LRBA: variants seen among roughly 807,000 people sequenced by gnomAD.
LRBA encodes LPS responsive beige-like anchor protein.
Under a neutral mutation model 330.0 loss-of-function variants are expected in LRBA, and 176 were observed. The ratio of observed to expected loss-of-function variants is 0.53; its 90% CI spans 0.47 to 0.60. LRBA has a LOEUF of 0.60. LRBA is among the 20% of genes least tolerant of loss of function. The pLI is 0.00. For synonymous variants in LRBA, 1,230 were observed against 1,193.0 expected, an observed-to-expected ratio of 1.03 and a Z score of -0.64; for missense variants, 3,259 against 3,444.8, an observed-to-expected ratio of 0.95 and a Z score of 1.35.
rs115961084 is a variant in LRBA, at chr4:150,949,121, T to A, written c.217-20056A>T. 4.1e-3 allele frequency among the ~76,000 whole-genome samples: 623 copies of A among 152,150 alleles called. 6 individuals are homozygous for A. Among genetic ancestry groups the A allele is most frequent in the African/African-American group, 0.014 (596 of 41,542 alleles). ...TTTCCCAAATAAATAAAAACTTATG[T>A]TCACACAAAAACCTGTATATAAATA... is the stretch of plus-strand genomic sequence containing the variant. On this transcript the variant is annotated intron_variant, in intron 2 of 56. Coordinates refer to ENST00000651943, the MANE Select transcript of LRBA (RefSeq NM_001364905.1).
At chr4:150,965,453 T>G (rs1042232216) in intron 2 of LRBA, among the ~76,000 whole-genome samples, 2 of 152,218 alleles carry the variant, frequency 1.3e-5, no homozygotes, top group Non-Finnish European at 2.9e-5. Context: ...TATAAAAGCC[T>G]AAGAAAATTT....
chr4:150,561,005 C>T (rs571811580), intron 40 of LRBA, among the ~76,000 whole-genome samples: 8 of 152,088 alleles, frequency 5.3e-5, no homozygotes, highest in African/African-American at 1.7e-4. Context: ...AAAAAGGTTA[C>T]TATCAGTAAA....
At chr4:150,923,970 A>G (rs1234565422) in intron 4 of LRBA, among the ~76,000 whole-genome samples, 1 of 152,254 alleles carries the variant, frequency 6.6e-6, no homozygotes, top group African/African-American at 2.4e-5. Flanking sequence ...CAATTGTAAA[A>G]GCATAATAAC....
intron 16 of LRBA, among the ~76,000 whole-genome samples, chr4:150,895,669 A>C (rs938027978): frequency 1.3e-5 from 2 of 148,780 alleles, no homozygotes; most frequent in African/African-American, 2.5e-5. Flanking sequence ...ACATTTTCTT[A>C]ATCCAGTCTA....
intron 34 of LRBA, among the ~76,000 whole-genome samples, chr4:150,797,814 A>G (rs1741010712): frequency 1.3e-5 from 2 of 152,118 alleles, no homozygotes; most frequent in Non-Finnish European, 2.9e-5. Context: ...TACAGCAAAG[A>G]AATTATCAAG....
At chr4:150,440,421 AAATAG>A (rs1227919919) in intron 44 of LRBA, among the ~76,000 whole-genome samples, 3 of 152,138 alleles carry the variant, frequency 2.0e-5, no homozygotes, top group African/African-American at 7.2e-5. Flanking sequence ...GGTTTAAGTA[AAATAG>A]AATAGAATAA....
At chr4:150,773,905 A>T (rs1455632420) in intron 34 of LRBA, among the ~76,000 whole-genome samples, 1 of 152,160 alleles carries the variant, frequency 6.6e-6, no homozygotes, top group Non-Finnish European at 1.5e-5. Flanking sequence ...TCTTGGACTC[A>T]TTGTCACTTC....
At chr4:150,706,599 CA>C (rs1009975947) in intron 36 of LRBA, among the ~76,000 whole-genome samples, 129 of 138,206 alleles carry the variant, frequency 9.3e-4, no homozygotes, top group African/African-American at 2.4e-3. Flanking sequence ...ACACATTTAA[CA>C]AAAAAAAAAA....
At chr4:150,579,737 G>A (rs1351857751) in intron 40 of LRBA, 1 of 456,330 alleles carries the variant, frequency 2.2e-6, no homozygotes, top group African/African-American at 2.0e-5. Flanking sequence ...CCCGAGAGAA[G>A]AGGAGAAGGC....
At position 150,583,495 on chromosome 4, in the gene LRBA, A is replaced by T; in HGVS notation, c.6330+4553T>A. 6.2e-7 allele frequency: 1 copy of T among 1,613,978 alleles called. No individual in the cohort carries two copies. Among genetic ancestry groups the T allele is most frequent in the Non-Finnish European group, 8.5e-7 (1 of 1,180,032 alleles). Reference sequence around the variant, plus strand: ...TGTGGTCAAGATGATCGCGGACACCAGCGAGGTCAAGTTGCGCATCAGGGA... The same window carrying T: ...TGTGGTCAAGATGATCGCGGACACCTGCGAGGTCAAGTTGCGCATCAGGGA... On this transcript the variant is annotated intron_variant, in intron 40 of 56. Coordinates refer to ENST00000651943, the MANE Select transcript of LRBA (RefSeq NM_001364905.1). The surrounding 1 kb of genome is among the most constrained non-coding windows in gnomAD (Gnocchi z 9.8).
At chr4:150,749,514 G>T (rs1374822753) in intron 35 of LRBA, among the ~76,000 whole-genome samples, 2 of 152,126 alleles carry the variant, frequency 1.3e-5, no homozygotes, top group Admixed American at 6.5e-5. Context: ...CCTGCACTTT[G>T]GGAGGCCAAG....
intron 47 of LRBA, among the ~76,000 whole-genome samples, chr4:150,354,065 G>C (rs1737508463): frequency 6.6e-6 from 1 of 152,040 alleles, no homozygotes; most frequent in Non-Finnish European, 1.5e-5. Flanking sequence ...ATGCACTTAA[G>C]ACTTGAGGGG....
intron 17 of LRBA, among the ~76,000 whole-genome samples, chr4:150,892,826 CATTT>C (rs1397019261): frequency 6.6e-6 from 1 of 152,036 alleles, no homozygotes; most frequent in Non-Finnish European, 1.5e-5. Context: ...ATATTGGAAT[CATTT>C]ATCTGTCTTC....
intron 22 of LRBA, 22 bp from the exon 23 acceptor site, chr4:150,852,965 A>G (rs773772467): frequency 6.9e-6 from 10 of 1,451,546 alleles, no homozygotes; most frequent in African/African-American, 1.4e-5. Context: ...ATGTACAATC[A>G]GTTAAAATAT....
intron 37 of LRBA, among the ~76,000 whole-genome samples, chr4:150,636,045 G>A (rs979130429): frequency 1.3e-5 from 2 of 151,966 alleles, no homozygotes; most frequent in African/African-American, 4.8e-5. Flanking sequence ...ATATCACAGA[G>A]TGATACTATG....
At chr4:150,793,547 C>T (rs555060049) in intron 34 of LRBA, among the ~76,000 whole-genome samples, 16 of 152,028 alleles carry the variant, frequency 1.1e-4, no homozygotes, top group Non-Finnish European at 1.9e-4. Flanking sequence ...ATCAATTATA[C>T]AAGTACATAA....
At chr4:150,650,539 A>G (rs560892295) in intron 37 of LRBA, among the ~76,000 whole-genome samples, 1 of 152,246 alleles carries the variant, frequency 6.6e-6, no homozygotes, top group South Asian at 2.1e-4. Flanking sequence ...AAGCATTGTA[A>G]ACATCTTCTT....
upstream of LRBA, chr4:151,015,505 TC>T: frequency 6.5e-6 from 1 of 152,876 alleles, no homozygotes; most frequent in Non-Finnish European, 1.5e-5. Context: ...CCTAGTCCGC[TC>T]CCCGGGAGTC....
intron 37 of LRBA, among the ~76,000 whole-genome samples, chr4:150,669,757 G>A (rs1388140320): frequency 6.6e-6 from 1 of 151,938 alleles, no homozygotes; most frequent in Non-Finnish European, 1.5e-5. Context: ...GTAGATACAG[G>A]GTTTCACCAA....
Sources: allele counts gnomAD v4.1 joint callset (sites outside exome capture counted in the v4.1 genomes callset), GRCh38; gene constraint gnomAD v4.1.1; non-coding constraint Gnocchi (gnomAD v3.1); transcripts MANE v1.5; gene names NCBI Gene and HGNC (gene_info 2026-07-23, HGNC 2026-07-21).